Variants in COL7A1 observed in about 807,000 individuals in gnomAD.
The protein encoded by COL7A1 is collagen type VII alpha 1 chain.
COL7A1 carries 296 observed loss-of-function variants against 456.2 expected under a neutral mutation model. That is an observed-to-expected ratio of 0.65 (90% CI 0.59 to 0.71). COL7A1 has a LOEUF of 0.71. Among genes scored for constraint, COL7A1 ranks in the 30% least tolerant of loss-of-function variants. The pLI is 0.00. For synonymous variants in COL7A1, 1,464 were observed against 1,525.9 expected, an observed-to-expected ratio of 0.96 and a Z score of 0.95; for missense variants, 3,441 against 4,017.2, an observed-to-expected ratio of 0.86 and a Z score of 3.88.
In COL7A1 at chr3:48,586,454, C is replaced by T. The variant is rs746091602; in HGVS notation, c.3428G>A (p.Arg1143Lys). The change falls in exon 27 of 119, where the codon AGA becomes AAA. Residue 1143 changes from arginine to lysine, a missense_variant. Arg to Lys is a conservative substitution (Grantham distance 26, BLOSUM62 2). Transcript: ENST00000681320. This position sits in a 1 kb window ranked among gnomAD's most constrained non-coding sequence, Gnocchi z 5.1. ...NLGTAVVTAH[R>K]YMLAPDAPGR... The stretch of plus-strand genomic sequence containing the variant: ...AGGAGCATCTGGTGCCAACATGTAT[C>T]TGTGAGCTGTGACCACGGCTGTGCC... 6.2e-7 allele frequency: 1 copy of T among 1,613,830 alleles called. No individual in the cohort carries two copies. Among genetic ancestry groups the T allele is most frequent in the Non-Finnish European group, 8.5e-7 (1 of 1,180,042 alleles).
rs1221546428 is a variant in COL7A1, at chr3:48,593,585, CA to C, written c.377del (p.Val126GlyfsTer21). On this transcript the variant is annotated frameshift_variant, in exon 4 of 119. Transcript: ENST00000681320. LOFTEE classifies it high-confidence loss of function. The surrounding 1 kb of genome is among the most constrained non-coding windows in gnomAD (Gnocchi z 4.4). Reference protein sequence around the residue: ...NTRTGAAILHVADHVFLPQLA... With the variant: ...NTRTGAAILHXADHVFLPQLA... ...GCTGGGGCAGGAAGACATGGTCAGC[CA>C]CATGGAGAATTGCAGCCCCTGTGCG... The C allele has an allele frequency of 2.5e-6, 4 of 1,614,086 alleles. No individual in the cohort carries two copies. The highest frequency in any genetic ancestry group is 3.4e-6 in the Non-Finnish European group (4 of 1,180,034).
chr3:48,593,492 T>C lies in COL7A1; in HGVS notation c.427-43A>G, dbSNP rs759148648. Reference sequence around the variant, plus strand: ...GTCAAATCACGGTTCCCCTGGACACTTCATTTGGGGTCATCTTGGGAGGCA... The same window carrying C: ...GTCAAATCACGGTTCCCCTGGACACCTCATTTGGGGTCATCTTGGGAGGCA... On this transcript the variant is annotated intron_variant, in intron 4 of 118. Transcript: ENST00000681320. The surrounding 1 kb of genome is among the most constrained non-coding windows in gnomAD (Gnocchi z 4.4). 5.6e-6 allele frequency: 9 copies of C among 1,613,918 alleles called. No individual in the cohort carries two copies. In the East Asian group the frequency reaches 1.6e-4, roughly 28 times the overall value.
chr3:48,572,942 CCT>C lies in COL7A1; in HGVS notation c.6751-2_6751-1del, dbSNP rs760460054. 1.2e-6 allele frequency: 2 copies of C among 1,614,042 alleles called. No homozygotes were observed. The highest frequency in any genetic ancestry group is 8.5e-7 in the Non-Finnish European group (1 of 1,179,996). ...GGGGCTCCCGGCTTCCCTGTCTCCC[CCT>C]GAGAGGGAAGAGCTCTGTCAGGGCT... On this transcript the variant is annotated splice_acceptor_variant, in intron 86 of 118. Transcript: ENST00000681320. LOFTEE classifies it high-confidence loss of function. The surrounding 1 kb of genome is among the most constrained non-coding windows in gnomAD (Gnocchi z 4.6).
At position 48,564,981 on chromosome 3, in the gene COL7A1, C is replaced by G. The variant is rs1412059424; in HGVS notation, c.8621-1G>C. On this transcript the variant is annotated splice_acceptor_variant, in intron 117 of 118. Transcript: ENST00000681320. LOFTEE classifies it high-confidence loss of function. This position sits in a 1 kb window ranked among gnomAD's most constrained non-coding sequence, Gnocchi z 6.0. ...TCATCCAGTGGCAGGGAACAGGGGTCTGGGCCAATGGGGTCAAGTCAGCAG... is the reference window on the plus strand; with the variant it reads ...TCATCCAGTGGCAGGGAACAGGGGTGTGGGCCAATGGGGTCAAGTCAGCAG... 1 of 1,614,140 alleles carries G rather than the reference C, an allele frequency of 6.2e-7. No homozygotes were observed. Among genetic ancestry groups the G allele is most frequent in the Admixed American group, 1.7e-5 (1 of 60,024 alleles).
In COL7A1 at chr3:48,571,108, C is replaced by G. The variant is rs2043889654; in HGVS notation, c.7157G>C (p.Gly2386Ala). 1 of 1,613,876 alleles carries G rather than the reference C, an allele frequency of 6.2e-7. No homozygotes were observed. ...PGSPGPPGPPGVKGDLGLPGL... is the reference protein window; with the variant it reads ...PGSPGPPGPPAVKGDLGLPGL... ...GATGGGGCATTGACTTACCTTCACA[C>G]CTGGAGGGCCAGGAGGCCCAGGGGA... The change falls in exon 94 of 119, where the codon GGT (glycine) becomes GCT (alanine). Residue 2386 changes from glycine (G) to alanine (A), a missense_variant. Transcript: ENST00000681320. The surrounding 1 kb of genome is among the most constrained non-coding windows in gnomAD (Gnocchi z 4.6).
Position 48,570,384 on chromosome 3 carries a change from C to T in COL7A1, c.7381-50G>A, listed in dbSNP as rs371941592. ...ATCAGTGAGGGGAATCAGTGGGGGA[C>T]GCAGGGTCATGGGAGGTCAGTGGAG... is the stretch of plus-strand genomic sequence containing the variant. On this transcript the variant is annotated intron_variant, in intron 97 of 118. Transcript: ENST00000681320. This position sits in a 1 kb window ranked among gnomAD's most constrained non-coding sequence, Gnocchi z 5.5. 40 of 1,613,734 alleles carry T rather than the reference C, an allele frequency of 2.5e-5. No homozygotes were observed. The East Asian group carries it at 4.0e-4, about 16-fold the overall frequency.
Position 48,586,768 on chromosome 3 carries a change from C to T in COL7A1, c.3277-79G>A, listed in dbSNP as rs1275233408. 1 of 1,537,286 alleles carries T rather than the reference C, an allele frequency of 6.5e-7. No homozygotes were observed. The highest frequency in any genetic ancestry group is 8.8e-7 in the Non-Finnish European group (1 of 1,136,890). On this transcript the variant is annotated intron_variant, in intron 25 of 118. Transcript: ENST00000681320. The surrounding 1 kb of genome is among the most constrained non-coding windows in gnomAD (Gnocchi z 5.1). ...GTGCACAGAGCCTGGAGAAACACATCAGGGTGTGTGTGACCAAACCCTATC... is the reference window on the plus strand; with the variant it reads ...GTGCACAGAGCCTGGAGAAACACATTAGGGTGTGTGTGACCAAACCCTATC...
chr3:48,579,458 C>A lies in COL7A1; in HGVS notation c.5271+22G>T. On this transcript the variant is annotated intron_variant, in intron 60 of 118. Coordinates refer to ENST00000681320, the MANE Select transcript of COL7A1 (RefSeq NM_000094.4). The surrounding 1 kb of genome is among the most constrained non-coding windows in gnomAD (Gnocchi z 4.4). ...GAGGGTAAGATGGGGACTTGGCAGA[C>A]GGGGCAAAGTGCATCACTCACCTGT... 4 of 1,614,122 alleles carry A rather than the reference C, an allele frequency of 2.5e-6. No individual in the cohort carries two copies. Among genetic ancestry groups the A allele is most frequent in the Non-Finnish European group, 3.4e-6 (4 of 1,180,010 alleles).
At position 48,590,164 on chromosome 3, in the gene COL7A1, T is replaced by C. The variant is rs2045586752; in HGVS notation, c.2050+49A>G. The C allele has an allele frequency of 2.5e-6, 4 of 1,599,266 alleles. No homozygotes were observed. Among genetic ancestry groups the C allele is most frequent in the Non-Finnish European group, 3.4e-6 (4 of 1,172,370 alleles). On this transcript the variant is annotated intron_variant, in intron 16 of 118. Coordinates refer to ENST00000681320, the MANE Select transcript of COL7A1 (RefSeq NM_000094.4). This position sits in a 1 kb window ranked among gnomAD's most constrained non-coding sequence, Gnocchi z 4.6. ...GTCTGCAAGGGAAGGCATGGGGGTC[T>C]GAAAGAGCAATGGAGGCAGAGAGCC... is the stretch of plus-strand genomic sequence containing the variant.
chr3:48,587,010 C>T lies in COL7A1; in HGVS notation c.3238G>A (p.Val1080Met), dbSNP rs1484192910. The change falls in exon 25 of 119, where the codon GTG becomes ATG. Residue 1080 changes from valine to methionine, a missense_variant. Transcript: ENST00000681320. This position sits in a 1 kb window ranked among gnomAD's most constrained non-coding sequence, Gnocchi z 6.1. ...GGCCCAAGAGGCCCAAGTGCCAACA[C>T]CAGACGCTCCAGGACCCTCCTCGTA... ...EATRRVLERL[V>M]LALGPLGPQA... 2 of 1,601,562 alleles carry T rather than the reference C, an allele frequency of 1.2e-6. No individual in the cohort carries two copies. Among genetic ancestry groups the T allele is most frequent in the African/African-American group, 1.3e-5 (1 of 74,746 alleles).
chr3:48,566,421 A>C lies in COL7A1; in HGVS notation c.8358+89T>G. On this transcript the variant is annotated intron_variant, in intron 113 of 118. Coordinates refer to ENST00000681320, the MANE Select transcript of COL7A1 (RefSeq NM_000094.4). The surrounding 1 kb of genome is among the most constrained non-coding windows in gnomAD (Gnocchi z 5.9). Reference sequence around the variant, plus strand: ...GTGAGACTGCATGGAGCCAGGGCCCAGGGGTCAGGGTGCTGGGTGAGGGAG... The same window carrying C: ...GTGAGACTGCATGGAGCCAGGGCCCCGGGGTCAGGGTGCTGGGTGAGGGAG... 4 of 1,607,532 alleles carry C rather than the reference A, an allele frequency of 2.5e-6. No individual in the cohort carries two copies. Among genetic ancestry groups the C allele is most frequent in the Non-Finnish European group, 3.4e-6 (4 of 1,174,890 alleles).
chr3:48,578,174 A>C lies in COL7A1; in HGVS notation c.5532+147T>G. ...AGCGAAACTCCATCTCAAAAAAAAAAAAACTATGTTTCTGGATGCATCTGT... is the reference window on the plus strand; with the variant it reads ...AGCGAAACTCCATCTCAAAAAAAAACAAACTATGTTTCTGGATGCATCTGT... On this transcript the variant is annotated intron_variant, in intron 65 of 118. Transcript: ENST00000681320. This position sits in a 1 kb window ranked among gnomAD's most constrained non-coding sequence, Gnocchi z 4.7. 1.0e-6 allele frequency: 1 copy of C among 974,282 alleles called. No homozygotes were observed. The highest frequency in any genetic ancestry group is 1.6e-6 in the Non-Finnish European group (1 of 642,362). The allele number at this position is 974,282 out of a possible 1,614,324, so 60.4% of individuals were successfully genotyped here.
chr3:48,584,206 G>T, intron 37 of COL7A1, 92 bp downstream of exon 37: 10 of 1,545,720 alleles, frequency 6.5e-6, no homozygotes, highest in Non-Finnish European at 8.8e-6. Flanking sequence ...GTAATCAAAG[G>T]GTCACAAGGG....
rs780724100 is a variant in COL7A1 at position 48,572,881 on chromosome 3, C to T, written c.6812G>A (p.Arg2271Lys). ...ACATACTGGCACACCAGGGCTCCCT[C>T]TGTCTCCATCTTTTCCACTGGCACC... is the stretch of plus-strand genomic sequence containing the variant. ...RDGASGKDGD[R>K]GSPGVPGSPG... The change falls in exon 87 of 119, where the codon AGA becomes AAA. Residue 2271 changes from arginine to lysine, a missense_variant. Transcript: ENST00000681320. This position sits in a 1 kb window ranked among gnomAD's most constrained non-coding sequence, Gnocchi z 4.6. 3.1e-6 allele frequency: 5 copies of T among 1,614,000 alleles called. No individual in the cohort carries two copies. Among genetic ancestry groups the T allele is most frequent in the Non-Finnish European group, 3.4e-6 (4 of 1,179,982 alleles).
Position 48,593,393 on chromosome 3 carries a change from T to C in COL7A1, c.483A>G (p.Gln161=). The part of the protein sequence containing the change: ...KSQDLVDTAA[Q]RLKGQGVKLF... ...GCTTGACCCCCTGCCCCTTCAGCCT[T>C]TGGGCAGCTGTGTCCACCAGGTCCT... is the stretch of plus-strand genomic sequence containing the variant. The change falls in exon 5 of 119, where the codon CAA becomes CAG. Residue 161 remains glutamine, a synonymous_variant. Coordinates refer to ENST00000681320, the MANE Select transcript of COL7A1 (RefSeq NM_000094.4). This position sits in a 1 kb window ranked among gnomAD's most constrained non-coding sequence, Gnocchi z 4.4. 6.2e-7 allele frequency: 1 copy of C among 1,613,994 alleles called. No homozygotes were observed. The highest frequency in any genetic ancestry group is 8.5e-7 in the Non-Finnish European group (1 of 1,179,998).
rs2044901183 is a variant in COL7A1 at position 48,583,130 on chromosome 3, CT to C, written c.4478del (p.Glu1493GlyfsTer217). The C allele has an allele frequency of 6.2e-7, 1 of 1,613,996 alleles. No individual in the cohort carries two copies. The highest frequency in any genetic ancestry group is 8.5e-7 in the Non-Finnish European group (1 of 1,179,996). On this transcript the variant is annotated frameshift_variant, in exon 43 of 119. Transcript: ENST00000681320. LOFTEE classifies it high-confidence loss of function. This position sits in a 1 kb window ranked among gnomAD's most constrained non-coding sequence, Gnocchi z 5.1. Reference protein sequence around the residue: ...GFPGPLGEAGEKGERGPPGPA... With the variant: ...GFPGPLGEAGXKGERGPPGPA... The stretch of plus-strand genomic sequence containing the variant: ...GCACCCCCCAGGTTGCACTTACCTT[CT>C]CTCCAGCCTCACCCAGGGGCCCTGG...
chr3:48,582,984 G>C (rs760308128), intron 44 of COL7A1, 29 bp downstream of exon 44: 3 of 1,614,024 alleles, frequency 1.9e-6, no homozygotes, highest in Non-Finnish European at 2.5e-6. Flanking sequence ...CAGGTCAGCT[G>C]GTATGAGCAT....
At position 48,579,961 on chromosome 3, in the gene COL7A1, G is replaced by C; in HGVS notation, c.5124+70C>G. The C allele has an allele frequency of 6.2e-7, 1 of 1,609,606 alleles. No individual in the cohort carries two copies. The highest frequency in any genetic ancestry group is 8.5e-7 in the Non-Finnish European group (1 of 1,175,978). On this transcript the variant is annotated intron_variant, in intron 57 of 118. Coordinates refer to ENST00000681320, the MANE Select transcript of COL7A1 (RefSeq NM_000094.4). This position sits in a 1 kb window ranked among gnomAD's most constrained non-coding sequence, Gnocchi z 4.4. ...AGTGGGAGTTAGTGGAAGGAATGAG[G>C]GGACATGATGTGGAGCCAAAGGGGC...
chr3:48,564,246 G>A lies in COL7A1; in HGVS notation c.*160C>T, dbSNP rs1043959019. The A allele has an allele frequency of 2.3e-5, 20 of 859,838 alleles. No individual in the cohort carries two copies. In the Admixed American group the frequency reaches 3.6e-4, roughly 15 times the overall value. The allele number at this position is 859,838 out of a possible 1,614,324, so 53.3% of individuals were successfully genotyped here. ...CCACAATGGGGGTTTGTCCACAGGG[G>A]GGAAGGCTAGACCCACGGGACCAAG... On this transcript the variant is annotated 3_prime_UTR_variant, in exon 119 of 119. Transcript: ENST00000681320. This position sits in a 1 kb window ranked among gnomAD's most constrained non-coding sequence, Gnocchi z 6.0.
Sources: allele counts gnomAD v4.1 joint callset, GRCh38; gene constraint gnomAD v4.1.1; non-coding constraint Gnocchi (gnomAD v3.1); transcripts MANE v1.5; gene names NCBI Gene and HGNC (gene_info 2026-07-23, HGNC 2026-07-21).